Variants in LRP1B observed in about 807,000 individuals in gnomAD.
LRP1B encodes the protein low-density lipoprotein receptor-related protein 1B.
Under a neutral mutation model 556.6 loss-of-function variants are expected in LRP1B, and 217 were observed. The observed-to-expected ratio is 0.39, with a 90% confidence interval of 0.35 to 0.44. The LOEUF (loss-of-function observed/expected upper bound fraction) is 0.44, where lower values mean the gene tolerates loss of function less well. Ranked by LOEUF, LRP1B falls within the 20% of genes least tolerant of loss-of-function variation. The pLI is 1.00. For synonymous variants in LRP1B, 2,047 were observed against 1,865.8 expected, an observed-to-expected ratio of 1.10 and a Z score of -2.50; for missense variants, 5,053 against 5,620.8, an observed-to-expected ratio of 0.90 and a Z score of 3.23.
intron 8 of LRP1B, among the ~76,000 whole-genome samples, chr2:141,060,893 A>G (rs1699315948): frequency 6.6e-6 from 1 of 151,788 alleles, no homozygotes; most frequent in Non-Finnish European, 1.5e-5. Flanking sequence ...CATATGTTTA[A>G]GGAACAAGCA....
At chr2:141,037,539 A>G (rs1372520248) in intron 11 of LRP1B, among the ~76,000 whole-genome samples, 1 of 151,954 alleles carries the variant, frequency 6.6e-6, no homozygotes, top group African/African-American at 2.4e-5. Flanking sequence ...AGAAAGCTAA[A>G]CACATTCTAT....
intron 21 of LRP1B, among the ~76,000 whole-genome samples, chr2:140,918,802 G>A (rs1694655491): frequency 6.6e-6 from 1 of 152,060 alleles, no homozygotes; most frequent in Admixed American, 6.6e-5. Context: ...ACCAGGAAGA[G>A]TGCCTCAGAC....
At chr2:141,057,334 G>A (rs944361264) in intron 9 of LRP1B, among the ~76,000 whole-genome samples, 6 of 151,610 alleles carry the variant, frequency 4.0e-5, no homozygotes, top group African/African-American at 7.3e-5. Flanking sequence ...TTCCTTGTTC[G>A]TTCTGCTTTA....
intron 2 of LRP1B, among the ~76,000 whole-genome samples, chr2:141,631,147 G>A (rs1345940708): frequency 3.3e-5 from 5 of 152,084 alleles, no homozygotes; most frequent in Non-Finnish European, 7.4e-5. Context: ...TTTACATGAT[G>A]GGAGGAAGGA....
intron 3 of LRP1B, among the ~76,000 whole-genome samples, chr2:141,272,915 A>C (rs1331394844): frequency 6.6e-6 from 1 of 152,258 alleles, no homozygotes; most frequent in Admixed American, 6.5e-5. Context: ...AGAACAATTA[A>C]GCAGTAGATC....
At chr2:141,044,916 C>T (rs1698821393) in intron 11 of LRP1B, among the ~76,000 whole-genome samples, 1 of 151,332 alleles carries the variant, frequency 6.6e-6, no homozygotes, top group Admixed American at 6.6e-5. Flanking sequence ...CATCCCATTA[C>T]TGGGTATATA....
chr2:140,746,494 T>C (rs1251243886), intron 35 of LRP1B, among the ~76,000 whole-genome samples: 4 of 152,162 alleles, frequency 2.6e-5, no homozygotes, highest in Non-Finnish European at 2.9e-5. Context: ...ACTGAAATCA[T>C]GAAAACCAAT....
intron 22 of LRP1B, among the ~76,000 whole-genome samples, chr2:140,904,156 A>G (rs957132240): frequency 6.6e-6 from 1 of 152,098 alleles, no homozygotes; most frequent in Middle Eastern, 3.2e-3. Context: ...TTTAAAGTAG[A>G]AAAATTGTAT....
intron 3 of LRP1B, among the ~76,000 whole-genome samples, chr2:141,373,501 G>C (rs1320656964): frequency 4.6e-5 from 7 of 152,074 alleles, no homozygotes; most frequent in African/African-American, 1.4e-4. Context: ...AGTATTATTT[G>C]TTTTGTGAAT....
intron 1 of LRP1B, among the ~76,000 whole-genome samples, chr2:141,983,062 T>C (rs1702086001): frequency 1.3e-5 from 2 of 152,082 alleles, no homozygotes; most frequent in East Asian, 1.9e-4. Flanking sequence ...GAAAAGACAA[T>C]GATTTTCTGC....
intron 66 of LRP1B, among the ~76,000 whole-genome samples, chr2:140,415,838 A>T (rs187635136): frequency 9.2e-5 from 14 of 152,330 alleles, no homozygotes; most frequent in African/African-American, 3.4e-4. Context: ...TAGCAGCTGC[A>T]CATAGAAAAG....
chr2:140,383,471 G>T (rs1683626534), intron 67 of LRP1B, among the ~76,000 whole-genome samples: 1 of 151,630 alleles, frequency 6.6e-6, no homozygotes, highest in African/African-American at 2.4e-5. Context: ...GTTCTTTATT[G>T]ACTAAATTTC....
intron 66 of LRP1B, among the ~76,000 whole-genome samples, chr2:140,404,236 G>A (rs1050607404): frequency 2.1e-5 from 3 of 141,522 alleles, no homozygotes; most frequent in South Asian, 2.2e-4. Flanking sequence ...GTGCAGTGGC[G>A]CTATCTCGGC....
At chr2:141,319,623 C>T (rs1687164119) in intron 3 of LRP1B, among the ~76,000 whole-genome samples, 1 of 151,994 alleles carries the variant, frequency 6.6e-6, no homozygotes, top group African/African-American at 2.4e-5. Flanking sequence ...ATATTTTTAT[C>T]AATCAACTGT....
At chr2:141,999,245 C>T (rs1480787511) in intron 1 of LRP1B, among the ~76,000 whole-genome samples, 1 of 152,018 alleles carries the variant, frequency 6.6e-6, no homozygotes, top group African/African-American at 2.4e-5. Flanking sequence ...TCCGACCCTC[C>T]CCTCCCCATC....
chr2:141,851,270 G>A (rs1697846690), intron 1 of LRP1B, among the ~76,000 whole-genome samples: 1 of 151,796 alleles, frequency 6.6e-6, no homozygotes, highest in Admixed American at 6.6e-5. Flanking sequence ...AATGGAGAAG[G>A]TGAAGCAATA....
intron 84 of LRP1B, among the ~76,000 whole-genome samples, chr2:140,276,750 A>AT (rs1291872192): frequency 2.0e-5 from 3 of 151,870 alleles, no homozygotes; most frequent in Non-Finnish European, 4.4e-5. Context: ...TCTTTGCAAC[A>AT]TTTTTTTACT....
intron 2 of LRP1B, among the ~76,000 whole-genome samples, chr2:141,519,402 TGAAA>T (rs1291951191): frequency 6.7e-5 from 2 of 29,876 alleles, no homozygotes; most frequent in African/African-American, 2.6e-4. Flanking sequence ...TATATATATA[TGAAA>T]TGCAATATTT....
intron 1 of LRP1B, among the ~76,000 whole-genome samples, chr2:142,076,882 T>C (rs1478806209): frequency 6.6e-6 from 1 of 152,122 alleles, no homozygotes; most frequent in Non-Finnish European, 1.5e-5. Flanking sequence ...AATGTATATA[T>C]ATGTAAATAG....
Sources: allele counts gnomAD v4.1 joint callset (sites outside exome capture counted in the v4.1 genomes callset), GRCh38; gene constraint gnomAD v4.1.1; transcripts MANE v1.5; gene names NCBI Gene and HGNC (gene_info 2026-07-23, HGNC 2026-07-21).